The following STUM variants were observed in gnomAD, a reference collection of about 807,000 sequenced individuals.
STUM encodes the protein protein stum homolog.
STUM carries 8 observed loss-of-function variants against 15.3 expected under a neutral mutation model. The observed-to-expected ratio is 0.52, with a 90% CI of 0.31 to 0.94. The LOEUF (loss-of-function observed/expected upper bound fraction) is 0.94. STUM is among the 40% of genes least tolerant of loss of function. The probability of loss-of-function intolerance (pLI) is 0.05; values close to 1 mark genes in which losing one functional copy is unlikely to be tolerated. For synonymous variants in STUM, 78 were observed against 88.7 expected (o/e 0.88, Z 0.68); for missense variants, 142 against 204.9 (o/e 0.69, Z 1.87).
rs1667356240 is a variant in STUM, at chr1:226,550,419, C to T, written c.202+1313C>T. Among the ~76,000 whole-genome samples, 3 of 152,216 alleles carry T rather than the reference C, an allele frequency of 2.0e-5. No homozygotes were observed. The South Asian group carries it at 6.2e-4, about 32-fold the overall frequency. ...CTGGGGTGCCTCCAGCAGCCTGTCC[C>T]CCTGGCTGGTGTCATCAGATCAGCT... On this transcript the variant is annotated intron_variant, in intron 1 of 3. Transcript: ENST00000366788.
Position 226,607,522 on chromosome 1 carries a change from C to T in STUM, c.*5482C>T, listed in dbSNP as rs1354825351. 1 of 152,340 alleles carries T rather than the reference C, an allele frequency of 6.6e-6. No homozygotes were observed. Among genetic ancestry groups the T allele is most frequent in the African/African-American group, 2.4e-5 (1 of 41,446 alleles). The allele number at this position is 152,340 out of a possible 1,614,324, so 9.4% of individuals were successfully genotyped here. A position where few individuals can be genotyped will look rare whatever the true frequency, so the allele number is the denominator to read the frequency against. The stretch of plus-strand genomic sequence containing the variant: ...CTGTCAGAGCCAAGGGCTTGGAGGC[C>T]CAGCCCCATCCGGGCAAGGGCTGTC... On this transcript the variant is annotated 3_prime_UTR_variant, in exon 4 of 4. Transcript: ENST00000366788.
chr1:226,578,278 G>A (rs1347092032), intron 1 of STUM, among the ~76,000 whole-genome samples: 2 of 146,966 alleles, frequency 1.4e-5, no homozygotes, highest in Non-Finnish European at 3.0e-5. Flanking sequence ...GTCTCACTAT[G>A]TTGCCCAGGC....
At chr1:226,576,072 T>G (rs552409261) in intron 1 of STUM, among the ~76,000 whole-genome samples, 2 of 152,398 alleles carry the variant, frequency 1.3e-5, no homozygotes, top group South Asian at 4.1e-4. Context: ...GACGCGGCTC[T>G]GTCTGACCCT....
At chr1:226,564,462 TG>T (rs1407164766) in intron 1 of STUM, among the ~76,000 whole-genome samples, 1 of 152,068 alleles carries the variant, frequency 6.6e-6, no homozygotes, top group Non-Finnish European at 1.5e-5. Flanking sequence ...CCACCAATCA[TG>T]GGGGGAAAAG....
Position 226,607,316 on chromosome 1 carries a change from G to A in STUM, c.*5276G>A, listed in dbSNP as rs1230405480. On this transcript the variant is annotated 3_prime_UTR_variant, in exon 4 of 4. Transcript: ENST00000366788. Reference sequence around the variant, plus strand: ...ACCACCCTCAATCCCAGGCCCTGCAGAGATAGGAAGAATCCCAACCAGAGG... The same window carrying A: ...ACCACCCTCAATCCCAGGCCCTGCAAAGATAGGAAGAATCCCAACCAGAGG... 6.6e-6 allele frequency: 1 copy of A among 152,264 alleles called. No homozygotes were observed. Among genetic ancestry groups the A allele is most frequent in the Non-Finnish European group, 1.5e-5 (1 of 68,074 alleles). The allele number at this position is 152,264 out of a possible 1,614,324, so 9.4% of individuals were successfully genotyped here.
chr1:226,597,516 A>C, intron 2 of STUM: 3 of 467,822 alleles, frequency 6.4e-6, no homozygotes, highest in Non-Finnish European at 1.3e-5. Context: ...TATACCCCCC[A>C]AAACCATTCA....
At chr1:226,594,176 G>A (rs1163163261) in intron 1 of STUM, among the ~76,000 whole-genome samples, 2 of 152,134 alleles carry the variant, frequency 1.3e-5, no homozygotes, top group African/African-American at 4.8e-5. Flanking sequence ...AAAGGTGTGG[G>A]TGAGAGCAAA....
chr1:226,582,050 C>T (rs1233249503), intron 1 of STUM, among the ~76,000 whole-genome samples: 1 of 152,210 alleles, frequency 6.6e-6, no homozygotes, highest in Non-Finnish European at 1.5e-5. Context: ...ACTTAGTCAC[C>T]CTGCAGCCAT....
intron 1 of STUM, among the ~76,000 whole-genome samples, chr1:226,569,613 C>A (rs1667674960): frequency 6.6e-6 from 1 of 152,164 alleles, no homozygotes; most frequent in Non-Finnish European, 1.5e-5. Flanking sequence ...GATTCTGACT[C>A]AATATTAGCA....
rs1461177164 is a variant in STUM, at chr1:226,604,052, C to T, written c.*2012C>T. 1 of 152,392 alleles carries T rather than the reference C, an allele frequency of 6.6e-6. No homozygotes were observed. Among genetic ancestry groups the T allele is most frequent in the East Asian group, 1.9e-4 (1 of 5,192 alleles). The allele number at this position is 152,392 out of a possible 1,614,324, so 9.4% of individuals were successfully genotyped here. A position where few individuals can be genotyped will look rare whatever the true frequency, so the allele number is the denominator to read the frequency against. ...TCAGCTGCAGGAAGCCGCCCCCTCCCATGCCCACCAGCCCACAGCCCTTCA... is the reference window on the plus strand; with the variant it reads ...TCAGCTGCAGGAAGCCGCCCCCTCCTATGCCCACCAGCCCACAGCCCTTCA... On this transcript the variant is annotated 3_prime_UTR_variant, in exon 4 of 4. Coordinates refer to ENST00000366788, the MANE Select transcript of STUM (RefSeq NM_001003665.4). The surrounding 1 kb of genome is among the most constrained non-coding windows in gnomAD (Gnocchi z 4.7).
chr1:226,586,548 G>T (rs1330274485), intron 1 of STUM, among the ~76,000 whole-genome samples: 1 of 152,168 alleles, frequency 6.6e-6, no homozygotes, highest in African/African-American at 2.4e-5. Context: ...GGTCAGCTCA[G>T]GGATCCCTGT....
intron 1 of STUM, among the ~76,000 whole-genome samples, chr1:226,568,600 A>AGGC (rs1667658812): frequency 6.6e-6 from 1 of 152,232 alleles, no homozygotes; most frequent in Non-Finnish European, 1.5e-5. Context: ...GTGGGTGGCC[A>AGGC]GGAGGAGAGG....
intron 1 of STUM, among the ~76,000 whole-genome samples, chr1:226,583,510 C>A (rs1032705688): frequency 7.9e-5 from 12 of 152,198 alleles, no homozygotes; most frequent in African/African-American, 2.9e-4. Flanking sequence ...GACAAGCAAG[C>A]ACACATGTCT....
chr1:226,599,545 C>A (rs1668233905), intron 2 of STUM, among the ~76,000 whole-genome samples: 2 of 152,202 alleles, frequency 1.3e-5, no homozygotes, highest in African/African-American at 4.8e-5. Context: ...ACAGAGGAAA[C>A]TTTTCAGTTG....
At chr1:226,562,539 C>A (rs564242574) in intron 1 of STUM, among the ~76,000 whole-genome samples, 1 of 150,400 alleles carries the variant, frequency 6.6e-6, no homozygotes, top group Non-Finnish European at 1.5e-5. Flanking sequence ...ACATCATCAA[C>A]AAGGGACCGA....
intron 1 of STUM, among the ~76,000 whole-genome samples, chr1:226,581,390 C>T (rs945388374): frequency 6.6e-6 from 1 of 152,180 alleles, no homozygotes; most frequent in African/African-American, 2.4e-5. Flanking sequence ...ACCACAGACT[C>T]GGTAATTTAT....
chr1:226,550,876 C>G (rs1022932432), intron 1 of STUM, among the ~76,000 whole-genome samples: 1 of 152,134 alleles, frequency 6.6e-6, no homozygotes, highest in Non-Finnish European at 1.5e-5. Context: ...GGCTCCTTGC[C>G]CTGGGGATCC....
chr1:226,549,120 G>C lies in STUM; in HGVS notation c.202+14G>C. On this transcript the variant is annotated intron_variant, in intron 1 of 3. Coordinates refer to ENST00000366788, the MANE Select transcript of STUM (RefSeq NM_001003665.4). This position sits in a 1 kb window ranked among gnomAD's most constrained non-coding sequence, Gnocchi z 6.8. Reference sequence around the variant, plus strand: ...TGCCGGGACTGGGTAAGACACGGCTGCCGCGACCCTTGCGACCCCCACCCC... The same window carrying C: ...TGCCGGGACTGGGTAAGACACGGCTCCCGCGACCCTTGCGACCCCCACCCC... The C allele has an allele frequency of 6.4e-7, 1 of 1,567,666 alleles. No homozygotes were observed. The highest frequency in any genetic ancestry group is 1.2e-5 in the South Asian group (1 of 86,416).
intron 1 of STUM, among the ~76,000 whole-genome samples, chr1:226,584,921 A>G (rs1667973134): frequency 6.6e-6 from 1 of 152,230 alleles, no homozygotes. Context: ...GAGAAAAGCC[A>G]TGGCAAAACC....
Sources: gnomAD v4.1 joint callset for allele counts (sites outside exome capture counted in the v4.1 genomes callset) on GRCh38, gnomAD v4.1.1 for gene constraint, Gnocchi (gnomAD v3.1) non-coding constraint, MANE v1.5 for transcripts, NCBI Gene and HGNC (gene_info 2026-07-23, HGNC 2026-07-21) for gene names.